Variants in SLC33A1 observed in about 807,000 individuals in gnomAD.
The protein encoded by SLC33A1 is solute carrier family 33 member 1.
Under a neutral mutation model 50.0 loss-of-function variants are expected in SLC33A1, and 20 were observed. The observed-to-expected ratio is 0.40, with a 90% confidence interval of 0.28 to 0.58. The LOEUF (loss-of-function observed/expected upper bound fraction) is 0.58, where lower values mean the gene tolerates loss of function less well. Among genes scored for constraint, SLC33A1 ranks in the 20% least tolerant of loss-of-function variants. SLC33A1 has a pLI of 0.44. For synonymous variants in SLC33A1, 265 were observed against 251.8 expected (o/e 1.05, Z -0.50); for missense variants, 476 against 657.0 (o/e 0.72, Z 3.01).
At chr3:155,850,970 G>A (rs1038880014) in intron 1 of SLC33A1, among the ~76,000 whole-genome samples, 5 of 151,300 alleles carry the variant, frequency 3.3e-5, no homozygotes, top group African/African-American at 1.2e-4. Context: ...TTGGCTGGGC[G>A]CAGTGGCTTA....
intron 5 of SLC33A1, among the ~76,000 whole-genome samples, chr3:155,828,719 A>G (rs1353536127): frequency 6.6e-6 from 1 of 151,596 alleles, no homozygotes; most frequent in Non-Finnish European, 1.5e-5. Context: ...CCTTGTGAGT[A>G]GATAAGACCA....
rs145973339 is a variant in SLC33A1 at position 155,845,627 on chromosome 3, T to C, written c.776-3008A>G. Reference sequence around the variant, plus strand: ...ACATGCAGAAGAATGAAAAAGCCAATAGTTCAGAGAGGCCAGGAAATATAT... The same window carrying C: ...ACATGCAGAAGAATGAAAAAGCCAACAGTTCAGAGAGGCCAGGAAATATAT... On this transcript the variant is annotated intron_variant, in intron 1 of 5. Transcript: ENST00000643144. Among the ~76,000 whole-genome samples, 119 of 152,302 alleles carry C rather than the reference T, an allele frequency of 7.8e-4. 1 individual carries two copies. The highest frequency in any genetic ancestry group is 2.5e-3 in the African/African-American group (105 of 41,564).
chr3:155,832,590 G>A (rs1009767726), intron 4 of SLC33A1, among the ~76,000 whole-genome samples: 2 of 151,952 alleles, frequency 1.3e-5, no homozygotes, highest in African/African-American at 4.8e-5. Flanking sequence ...CACTTTGGGA[G>A]GCCGAGGTGG....
chr3:155,825,791 C>T lies in SLC33A1; in HGVS notation c.*2419G>A, dbSNP rs1384651389. 6.6e-6 allele frequency: 1 copy of T among 152,076 alleles called. No homozygotes were observed. The highest frequency in any genetic ancestry group is 2.4e-5 in the African/African-American group (1 of 41,398). 9.4% of individuals were successfully genotyped at this position (152,076 alleles called of 1,614,324 possible). ...AAGGTACTGTTTAATTTATCAGGAT[C>T]AATCAATCAAGAAAAACACCCACAA... On this transcript the variant is annotated 3_prime_UTR_variant, in exon 6 of 6. Transcript: ENST00000643144.
At chr3:155,838,845 A>T (rs1752809810) in intron 2 of SLC33A1, among the ~76,000 whole-genome samples, 1 of 151,658 alleles carries the variant, frequency 6.6e-6, no homozygotes, top group Non-Finnish European at 1.5e-5. Context: ...GCAAGACCTC[A>T]TCTTAAAAAA....
rs1646235073 is a variant in SLC33A1, at chr3:155,823,398, G to C, written c.*4812C>G. ...ATCTAAAGTAAAAAGAGCCAGCAGC[G>C]GTGGCTCACGCCTGTAATCCCAGCA... On this transcript the variant is annotated 3_prime_UTR_variant, in exon 6 of 6. Transcript: ENST00000643144. The C allele has an allele frequency of 6.6e-6, 1 of 152,138 alleles. No homozygotes were observed. Among genetic ancestry groups the C allele is most frequent in the Admixed American group, 6.5e-5 (1 of 15,274 alleles). The allele number at this position is 152,138 out of a possible 1,614,324, so 9.4% of individuals were successfully genotyped here. A position where few individuals can be genotyped will look rare whatever the true frequency, so the allele number is the denominator to read the frequency against.
rs1381891454 is a variant in SLC33A1, at chr3:155,853,717, C to T, written c.281G>A (p.Ser94Asn). Residue 94 changes from serine (S) to asparagine (N), a missense_variant, in exon 1 of 6, where the codon AGC (serine) becomes AAC (asparagine). By Grantham distance (46) the Ser-to-Asn change is conservative (BLOSUM62 1). Transcript: ENST00000643144. Reference protein sequence around the residue: ...LQGIPLGLAGSIPLILQSKNV... With the variant: ...LQGIPLGLAGNIPLILQSKNV... ...TTTGCTTTGCAAAATGAGTGGGATG[C>T]TTCCCGCCAAGCCCAGGGGAATACC... 4 of 1,614,160 alleles carry T rather than the reference C, an allele frequency of 2.5e-6. No homozygotes were observed. The South Asian group carries it at 3.3e-5, about 13-fold the overall frequency.
chr3:155,851,273 G>A lies in SLC33A1; in HGVS notation c.775+1950C>T, dbSNP rs572684360. On this transcript the variant is annotated intron_variant, in intron 1 of 5. Transcript: ENST00000643144. The stretch of plus-strand genomic sequence containing the variant: ...ATATATATAATTTTAAGACAGGGTT[G>A]CACTCTGTTGACCAGGCTGGGGTGC... Among the ~76,000 whole-genome samples the A allele has an allele frequency of 1.2e-4, 19 of 152,104 alleles. No homozygotes were observed. In the South Asian group the frequency reaches 3.5e-3, roughly 28 times the overall value.
Position 155,854,175 on chromosome 3 carries a change from G to A in SLC33A1, c.-178C>T. 1 of 511,484 alleles carries A rather than the reference G, an allele frequency of 2.0e-6. No homozygotes were observed. Among genetic ancestry groups the A allele is most frequent in the Middle Eastern group, 5.1e-4 (1 of 1,942 alleles). The allele number at this position is 511,484 out of a possible 1,614,324, so 31.7% of individuals were successfully genotyped here. A position where few individuals can be genotyped will look rare whatever the true frequency, so the allele number is the denominator to read the frequency against. On this transcript the variant is annotated 5_prime_UTR_variant, in exon 1 of 6. Coordinates refer to ENST00000643144, the MANE Select transcript of SLC33A1 (RefSeq NM_004733.4). ...GCAGCCCGGAGTGCTGAAGCCGGGAGCCAGTCCTCTGGCTAGAGGCCCAGA... is the reference window on the plus strand; with the variant it reads ...GCAGCCCGGAGTGCTGAAGCCGGGAACCAGTCCTCTGGCTAGAGGCCCAGA...
intron 2 of SLC33A1, 63 bp downstream of exon 2, chr3:155,842,369 G>GT (rs1389300632): frequency 2.0e-6 from 2 of 1,012,118 alleles, no homozygotes; most frequent in African/African-American, 3.2e-5. Context: ...AAAAGGCATT[G>GT]TAAGTATTCC....
chr3:155,826,706 GC>G lies in SLC33A1; in HGVS notation c.*1503del. 1 of 152,194 alleles carries G rather than the reference GC, an allele frequency of 6.6e-6. No individual in the cohort carries two copies. The highest frequency in any genetic ancestry group is 3.4e-3 in the Middle Eastern group (1 of 294). 9.4% of individuals were successfully genotyped at this position (152,194 alleles called of 1,614,324 possible). On this transcript the variant is annotated 3_prime_UTR_variant, in exon 6 of 6. Transcript: ENST00000643144. ...GATGCCCAACACAGGCTTTCCAATG[GC>G]AATGCATGAGTTCTAGAGGTCACTG... is the stretch of plus-strand genomic sequence containing the variant.
At chr3:155,829,236 C>T (rs1471197415) in intron 5 of SLC33A1, among the ~76,000 whole-genome samples, 3 of 152,084 alleles carry the variant, frequency 2.0e-5, no homozygotes, top group Admixed American at 6.6e-5. Flanking sequence ...CTTTCACATT[C>T]GGAAATGTGA....
chr3:155,840,742 A>C (rs376715424), intron 2 of SLC33A1, among the ~76,000 whole-genome samples: 126 of 152,182 alleles, frequency 8.3e-4, no homozygotes, highest in African/African-American at 2.8e-3. Flanking sequence ...TGAACCCGGG[A>C]GGTGGAGGTT....
chr3:155,850,484 AAG>A (rs1753354171), intron 1 of SLC33A1, among the ~76,000 whole-genome samples: 1 of 136,396 alleles, frequency 7.3e-6, no homozygotes, highest in Admixed American at 7.0e-5. Flanking sequence ...CTCTTAATGT[AAG>A]AGTGATTGGT....
At chr3:155,847,760 A>AAATAAAT (rs1753233281) in intron 1 of SLC33A1, among the ~76,000 whole-genome samples, 1 of 150,544 alleles carries the variant, frequency 6.6e-6, no homozygotes, top group East Asian at 1.9e-4. Flanking sequence ...AAAAATAAAT[A>AAATAAAT]AATAAATAAA....
At chr3:155,832,369 ACT>A (rs1172166227) in intron 4 of SLC33A1, among the ~76,000 whole-genome samples, 1 of 150,670 alleles carries the variant, frequency 6.6e-6, no homozygotes, top group East Asian at 1.9e-4. Context: ...CAAGAACAAA[ACT>A]CTGTCTCAAA....
chr3:155,825,281 C>T lies in SLC33A1; in HGVS notation c.*2929G>A, dbSNP rs1015277451. ...CCTCCCGCCTAAGCTTCCCAAGTAG[C>T]TGGGACTACTGGTGTGTACCACCAT... On this transcript the variant is annotated 3_prime_UTR_variant, in exon 6 of 6. Coordinates refer to ENST00000643144, the MANE Select transcript of SLC33A1 (RefSeq NM_004733.4). 6.6e-6 allele frequency: 1 copy of T among 151,624 alleles called. No individual in the cohort carries two copies. The highest frequency in any genetic ancestry group is 1.5e-5 in the Non-Finnish European group (1 of 67,972). 9.4% of individuals were successfully genotyped at this position (151,624 alleles called of 1,614,324 possible).
At chr3:155,836,307 A>AAAAG in intron 2 of SLC33A1, among the ~76,000 whole-genome samples, 1 of 140,714 alleles carries the variant, frequency 7.1e-6, no homozygotes, top group Non-Finnish European at 1.5e-5. Flanking sequence ...AAAAAAAAAA[A>AAAAG]AAAAAAGGAA....
intron 2 of SLC33A1, among the ~76,000 whole-genome samples, chr3:155,836,241 G>A (rs1307788730): frequency 1.7e-5 from 2 of 118,888 alleles, no homozygotes; most frequent in East Asian, 2.7e-4. Context: ...CCAAGATCGC[G>A]CCACTGCACT....
Sources: allele counts gnomAD v4.1 joint callset (sites outside exome capture counted in the v4.1 genomes callset), GRCh38; gene constraint gnomAD v4.1.1; transcripts MANE v1.5; gene names NCBI Gene and HGNC (gene_info 2026-07-23, HGNC 2026-07-21).